GRIP1: variants seen among roughly 807,000 people sequenced by gnomAD.
GRIP1 encodes glutamate receptor interacting protein 1.
In GRIP1, 45 loss-of-function variants were observed where a neutral mutation model predicts 129.9. That is an observed-to-expected ratio of 0.35 (90% CI 0.27 to 0.44). The LOEUF (loss-of-function observed/expected upper bound fraction) is 0.44, where lower values mean the gene tolerates loss of function less well. GRIP1 is among the 20% of genes least tolerant of loss of function. The pLI is 1.00. For missense variants in GRIP1, 1,196 were observed against 1,396.8 expected, an observed-to-expected ratio of 0.86 and a Z score of 2.29; for synonymous variants, 530 against 520.8, an observed-to-expected ratio of 1.02 and a Z score of -0.24.
In GRIP1 at chr12:66,507,220, C is replaced by T. The variant is rs561336280; in HGVS notation, c.724+8399G>A. Among the ~76,000 whole-genome samples, 6 of 152,162 alleles carry T rather than the reference C, an allele frequency of 3.9e-5. No individual in the cohort carries two copies. In the East Asian group the frequency reaches 7.8e-4, roughly 20 times the overall value. ...TTGGGAGGCCGAGGCGGGTGGATCA[C>T]GAGGTCAGGAGATGGAGACCATCCT... On this transcript the variant is annotated intron_variant, in intron 7 of 24. Coordinates refer to ENST00000359742, the MANE Select transcript of GRIP1 (RefSeq NM_001366722.1).
At chr12:66,506,526 A>G (rs1204120296) in intron 7 of GRIP1, among the ~76,000 whole-genome samples, 1 of 152,182 alleles carries the variant, frequency 6.6e-6, no homozygotes, top group African/African-American at 2.4e-5. Context: ...GGGGTTACAC[A>G]TGGGGAAGGG....
At chr12:66,881,396 T>A (rs1302862896) in intron 1 of GRIP1, among the ~76,000 whole-genome samples, 1 of 152,200 alleles carries the variant, frequency 6.6e-6, no homozygotes, top group African/African-American at 2.4e-5. Context: ...ATGATCTGAA[T>A]GCAAATTAAT....
rs149267921 is a variant in GRIP1, at chr12:66,496,111, A to G, written c.724+19508T>C. On this transcript the variant is annotated intron_variant, in intron 7 of 24. Transcript: ENST00000359742. The stretch of plus-strand genomic sequence containing the variant: ...CTTTTTCTAACCTCTTGAGGGCCAC[A>G]AGCTTAAATGTGCCAGAAGGAAAGT... Among the ~76,000 whole-genome samples, 196 of 152,292 alleles carry G rather than the reference A, an allele frequency of 1.3e-3. 1 individual carries two copies. The highest frequency in any genetic ancestry group is 4.5e-3 in the African/African-American group (185 of 41,558).
chr12:66,792,891 A>G (rs948352975), intron 1 of GRIP1, among the ~76,000 whole-genome samples: 8 of 152,160 alleles, frequency 5.3e-5, no homozygotes, highest in Non-Finnish European at 7.4e-5. Flanking sequence ...CAATAATCCA[A>G]ATAATATTCA....
chr12:67,057,815 G>T (rs1015366099), intron 1 of GRIP1, among the ~76,000 whole-genome samples: 1 of 152,224 alleles, frequency 6.6e-6, no homozygotes, highest in African/African-American at 2.4e-5. Flanking sequence ...GGGAGAAAAT[G>T]TGAAATGGTA....
intron 3 of GRIP1, among the ~76,000 whole-genome samples, chr12:66,540,627 A>AATTGTAC (rs1354060211): frequency 6.6e-6 from 1 of 152,222 alleles, no homozygotes; most frequent in Non-Finnish European, 1.5e-5. Flanking sequence ...TAAGTTTATA[A>AATTGTAC]ATTGTACAAA....
At chr12:66,429,661 A>C (rs1388449367) in intron 14 of GRIP1, among the ~76,000 whole-genome samples, 1 of 152,134 alleles carries the variant, frequency 6.6e-6, no homozygotes, top group African/African-American at 2.4e-5. Context: ...GTGCCGCTGC[A>C]CTCCAGCCTG....
chr12:66,666,444 T>C (rs557298740), intron 1 of GRIP1, among the ~76,000 whole-genome samples: 140 of 152,342 alleles, frequency 9.2e-4, no homozygotes, highest in Middle Eastern at 6.8e-3. Flanking sequence ...TTTGCCTTTC[T>C]TGTTCTTGTT....
intron 1 of GRIP1, among the ~76,000 whole-genome samples, chr12:66,997,749 A>T (rs978734404): frequency 1.3e-5 from 2 of 152,204 alleles, no homozygotes; most frequent in African/African-American, 4.8e-5. Context: ...ACAATCTAGC[A>T]GGAAAATAAT....
chr12:66,540,417 A>T (rs760895480), intron 3 of GRIP1, among the ~76,000 whole-genome samples: 17 of 152,180 alleles, frequency 1.1e-4, no homozygotes, highest in Non-Finnish European at 2.4e-4. Context: ...CACTTGCCTT[A>T]AGGGAGAGCT....
At chr12:66,837,948 C>A (rs1053852391) in intron 1 of GRIP1, among the ~76,000 whole-genome samples, 2 of 152,280 alleles carry the variant, frequency 1.3e-5, no homozygotes, top group African/African-American at 4.8e-5. Flanking sequence ...AATCCCAGCA[C>A]TTTGGGAGGC....
At chr12:66,822,022 GTA>G (rs71088211) in intron 1 of GRIP1, among the ~76,000 whole-genome samples, 10 of 141,404 alleles carry the variant, frequency 7.1e-5, no homozygotes, top group Non-Finnish European at 1.4e-4. Context: ...GTGTGTGTGT[GTA>G]TGTGTATGTG....
At chr12:66,806,174 T>A (rs2038988969), upstream of GRIP1, among the ~76,000 whole-genome samples, 1 of 152,102 alleles carries the variant, frequency 6.6e-6, no homozygotes, top group African/African-American at 2.4e-5. Flanking sequence ...TGAATGTCAT[T>A]ATACCTCTAT....
intron 1 of GRIP1, among the ~76,000 whole-genome samples, chr12:67,039,909 C>T (rs749458985): frequency 1.3e-5 from 2 of 152,100 alleles, no homozygotes; most frequent in East Asian, 1.9e-4. Flanking sequence ...AATGGACCTC[C>T]GTTGTGGCAT....
intron 1 of GRIP1, among the ~76,000 whole-genome samples, chr12:66,795,621 A>G (rs879510376): frequency 2.0e-4 from 31 of 152,204 alleles, no homozygotes; most frequent in Admixed American, 5.2e-4. Context: ...TATGTAGAAA[A>G]TAACTTATTC....
At chr12:66,879,242 A>C (rs1160941196) in intron 1 of GRIP1, among the ~76,000 whole-genome samples, 1 of 151,104 alleles carries the variant, frequency 6.6e-6, no homozygotes, top group Admixed American at 6.6e-5. Flanking sequence ...CTCTATTTTT[A>C]TTTGCAAGTC....
At chr12:67,065,350 T>C (rs1266709703) in intron 1 of GRIP1, 1 of 151,978 alleles carries the variant, frequency 6.6e-6, no homozygotes, top group Non-Finnish European at 1.5e-5. Flanking sequence ...AAATAATAAT[T>C]GCTAAAACAG....
chr12:66,760,789 A>G (rs761823207), intron 1 of GRIP1, among the ~76,000 whole-genome samples: 8 of 152,030 alleles, frequency 5.3e-5, no homozygotes, highest in Non-Finnish European at 8.8e-5. Context: ...TATTCCACAC[A>G]TCTCAATTTG....
chr12:66,814,594 A>C (rs1051136104), intron 1 of GRIP1, among the ~76,000 whole-genome samples: 38 of 151,888 alleles, frequency 2.5e-4, no homozygotes, highest in African/African-American at 8.9e-4. Flanking sequence ...TACCATAAAA[A>C]AAAAAAAAAA....
Sources: allele counts gnomAD v4.1 joint callset (sites outside exome capture counted in the v4.1 genomes callset), GRCh38; gene constraint gnomAD v4.1.1; transcripts MANE v1.5; gene names NCBI Gene and HGNC (gene_info 2026-07-23, HGNC 2026-07-21).